Variants in HMG20A observed in about 807,000 individuals in gnomAD.
The protein encoded by HMG20A is high mobility group 20A, also known as high mobility group protein 20A.
In HMG20A, 17 loss-of-function variants were observed where a neutral mutation model predicts 43.9. The ratio of observed to expected loss-of-function variants is 0.39; its 90% CI spans 0.27 to 0.58. The LOEUF is 0.58. Among genes scored for constraint, HMG20A ranks in the 20% least tolerant of loss-of-function variants. The pLI, the probability that HMG20A is intolerant of heterozygous loss-of-function variation, is 0.59. For missense variants in HMG20A, 341 were observed against 438.2 expected (o/e 0.78, Z 1.98); for synonymous variants, 132 against 147.5 (o/e 0.89, Z 0.76).
chr15:77,489,023 C>T (rs1226471883), downstream of HMG20A, among the ~76,000 whole-genome samples: 1 of 152,228 alleles, frequency 6.6e-6, no homozygotes, highest in Non-Finnish European at 1.5e-5. Context: ...GCATAAACCA[C>T]TGTATGACTT....
intron 1 of HMG20A, among the ~76,000 whole-genome samples, chr15:77,436,609 C>A (rs966804328): frequency 2.0e-5 from 3 of 152,096 alleles, no homozygotes; most frequent in African/African-American, 7.2e-5. Context: ...TGGGTGTGCA[C>A]CACCATGCCC....
chr15:77,463,774 A>C (rs571935647), intron 2 of HMG20A, among the ~76,000 whole-genome samples: 1 of 152,366 alleles, frequency 6.6e-6, no homozygotes, highest in African/African-American at 2.4e-5. Context: ...GAAATAGCCA[A>C]TGAAATGTAC....
At chr15:77,478,212 C>A in intron 7 of HMG20A, 83 bp from the exon 8 acceptor site, 1 of 1,389,128 alleles carries the variant, frequency 7.2e-7, no homozygotes, top group Non-Finnish European at 1.0e-6. Context: ...GGCAGCTAAG[C>A]AGAACTTCCC....
At chr15:77,464,201 G>T in intron 2 of HMG20A, 39 bp from the exon 3 acceptor site, 1 of 1,604,658 alleles carries the variant, frequency 6.2e-7, no homozygotes, top group Non-Finnish European at 8.5e-7. Flanking sequence ...GTAAATAGGT[G>T]GAGTTTTTGT....
chr15:77,451,513 G>A (rs1331030216), intron 1 of HMG20A, among the ~76,000 whole-genome samples: 1 of 152,154 alleles, frequency 6.6e-6, no homozygotes, highest in Non-Finnish European at 1.5e-5. Flanking sequence ...AGTTGGCCCT[G>A]TGTATCCTTG....
the HMG20A span, among the ~76,000 whole-genome samples, chr15:77,494,962 T>C: frequency 6.6e-6 from 1 of 152,164 alleles, no homozygotes. Flanking sequence ...AGATATATCA[T>C]AATGAGCTCC....
At chr15:77,480,821 G>C (rs534352370) in intron 9 of HMG20A, among the ~76,000 whole-genome samples, 5 of 150,544 alleles carry the variant, frequency 3.3e-5, no homozygotes, top group Admixed American at 2.7e-4. Flanking sequence ...AATTCCTAGA[G>C]ATAGGATACC....
the HMG20A span, among the ~76,000 whole-genome samples, chr15:77,497,452 G>A: frequency 2.6e-5 from 4 of 152,222 alleles, no homozygotes; most frequent in African/African-American, 9.6e-5. Context: ...CCAGCCGAGT[G>A]GAAGCTGCAA....
At chr15:77,495,824 T>A in the HMG20A span, among the ~76,000 whole-genome samples, 1 of 152,182 alleles carries the variant, frequency 6.6e-6, no homozygotes, top group Non-Finnish European at 1.5e-5. Flanking sequence ...AGGACTTGTG[T>A]AAAGTTGTGT....
At chr15:77,516,619 ATGACCATC>A in the HMG20A span, among the ~76,000 whole-genome samples, 4 of 152,110 alleles carry the variant, frequency 2.6e-5, no homozygotes, top group Non-Finnish European at 5.9e-5. Flanking sequence ...CCAGCTCAAC[ATGACCATC>A]CCCCTCAAGA....
downstream of HMG20A, among the ~76,000 whole-genome samples, chr15:77,486,281 A>G (rs775808789): frequency 3.2e-5 from 4 of 125,900 alleles, no homozygotes; most frequent in Non-Finnish European, 6.7e-5. Context: ...TTTTTTTGAG[A>G]TGGAGTTTTG....
Position 77,460,953 on chromosome 15 carries a change from T to C in HMG20A, c.89+2457T>C, listed in dbSNP as rs552100832. 1.1e-4 allele frequency among the ~76,000 whole-genome samples: 17 copies of C among 151,948 alleles called. No individual in the cohort carries two copies. The South Asian group carries it at 3.3e-3, about 30-fold the overall frequency. On this transcript the variant is annotated intron_variant, in intron 2 of 9. Coordinates refer to ENST00000336216, the MANE Select transcript of HMG20A (RefSeq NM_001304504.2). ...GTGAGCTGTGATCGTGCCACTGCACTCCAGCCTGGGTGACAGAGCAAGCTC... is the reference window on the plus strand; with the variant it reads ...GTGAGCTGTGATCGTGCCACTGCACCCCAGCCTGGGTGACAGAGCAAGCTC...
intron 1 of HMG20A, among the ~76,000 whole-genome samples, chr15:77,457,550 G>A (rs1350382702): frequency 6.6e-6 from 1 of 152,134 alleles, no homozygotes; most frequent in African/African-American, 2.4e-5. Context: ...GCCTTGAAAG[G>A]CAAAAATCGT....
At chr15:77,497,720 G>T in the HMG20A span, among the ~76,000 whole-genome samples, 1 of 150,538 alleles carries the variant, frequency 6.6e-6, no homozygotes, top group Admixed American at 6.6e-5. Context: ...TTGGTGAAAC[G>T]TAGGGTGGAG....
intron 2 of HMG20A, among the ~76,000 whole-genome samples, chr15:77,460,525 G>T (rs1170227156): frequency 6.6e-6 from 1 of 152,142 alleles, no homozygotes; most frequent in Admixed American, 6.5e-5. Context: ...TTGATATCAG[G>T]TTCTGCTATT....
chr15:77,422,756 A>G (rs938446714), intron 1 of HMG20A, among the ~76,000 whole-genome samples: 1 of 152,234 alleles, frequency 6.6e-6, no homozygotes, highest in African/African-American at 2.4e-5. Context: ...CCTAAAATCA[A>G]GTATGATTTA....
At chr15:77,516,979 G>T in the HMG20A span, among the ~76,000 whole-genome samples, 1 of 152,152 alleles carries the variant, frequency 6.6e-6, no homozygotes, top group Non-Finnish European at 1.5e-5. Context: ...GCAGCATGGT[G>T]GCCTCACCGT....
At chr15:77,425,935 G>A (rs754803218) in intron 1 of HMG20A, among the ~76,000 whole-genome samples, 6 of 152,142 alleles carry the variant, frequency 3.9e-5, no homozygotes, top group Non-Finnish European at 7.4e-5. Context: ...ATATTATTCA[G>A]CAACAAAGAG....
chr15:77,510,738 G>C, the HMG20A span, among the ~76,000 whole-genome samples: 7 of 152,234 alleles, frequency 4.6e-5, no homozygotes, highest in Non-Finnish European at 8.8e-5. Flanking sequence ...AGGCTGAGCA[G>C]ACTGGCTCAT....
Sources: allele counts gnomAD v4.1 joint callset (sites outside exome capture counted in the v4.1 genomes callset), GRCh38; gene constraint gnomAD v4.1.1; transcripts MANE v1.5; gene names NCBI Gene and HGNC (gene_info 2026-07-23, HGNC 2026-07-21).